The following NRP2 variants were observed in gnomAD, a reference collection of about 807,000 sequenced individuals.
NRP2 encodes neuropilin-2.
Under a neutral mutation model 110.4 loss-of-function variants are expected in NRP2, and 52 were observed. The ratio of observed to expected loss-of-function variants is 0.47; its 90% CI spans 0.38 to 0.59. The LOEUF (loss-of-function observed/expected upper bound fraction) is 0.59. NRP2 is among the 20% of genes least tolerant of loss of function. The pLI, the probability that NRP2 is intolerant of heterozygous loss-of-function variation, is 0.00. For synonymous variants in NRP2, 508 were observed against 468.9 expected (o/e 1.08, Z -1.08); for missense variants, 1,049 against 1,203.0 (o/e 0.87, Z 1.89).
intron 15 of NRP2, chr2:205,768,594 C>T (rs2057966878): frequency 6.6e-6 from 1 of 152,242 alleles, no homozygotes; most frequent in Admixed American, 6.5e-5. Context: ...CATGAGGCTT[C>T]ACAGGCCAGT....
At chr2:205,700,354 C>T (rs1400233781) in intron 2 of NRP2, among the ~76,000 whole-genome samples, 2 of 152,218 alleles carry the variant, frequency 1.3e-5, no homozygotes, top group African/African-American at 4.8e-5. Flanking sequence ...AGAAAACTGC[C>T]TGGGCTGGTC....
chr2:205,779,598 C>T (rs2058150719), intron 15 of NRP2: 2 of 152,340 alleles, frequency 1.3e-5, no homozygotes, highest in South Asian at 4.1e-4. Flanking sequence ...TTCCTTATTA[C>T]TGTGACACCC....
chr2:205,703,123 A>G (rs2056596467), intron 2 of NRP2, among the ~76,000 whole-genome samples: 1 of 152,172 alleles, frequency 6.6e-6, no homozygotes, highest in Non-Finnish European at 1.5e-5. Context: ...TATTTTTTAC[A>G]TTGGAAATGC....
At chr2:205,764,255 A>C (rs1575649162) in intron 13 of NRP2, 1 of 360,256 alleles carries the variant, frequency 2.8e-6, no homozygotes, top group Admixed American at 4.5e-5. Flanking sequence ...ACACAAACAA[A>C]CCCTCCACAC....
intron 8 of NRP2, among the ~76,000 whole-genome samples, chr2:205,741,780 C>G (rs909612985): frequency 5.3e-5 from 8 of 152,198 alleles, no homozygotes; most frequent in African/African-American, 1.9e-4. Flanking sequence ...TGTGTTTGTA[C>G]AGTCTCTGCA....
intron 7 of NRP2, among the ~76,000 whole-genome samples, chr2:205,734,812 C>T (rs528641909): frequency 6.6e-6 from 1 of 152,192 alleles, no homozygotes; most frequent in Non-Finnish European, 1.5e-5. Context: ...AGGAACATCT[C>T]GTGCACAATG....
intron 12 of NRP2, 64 bp downstream of exon 12, chr2:205,753,039 C>A (rs758461603): frequency 3.8e-6 from 6 of 1,598,154 alleles, no homozygotes; most frequent in Non-Finnish European, 4.3e-6. Flanking sequence ...TACTTCAACC[C>A]CAGATTCCCT....
intron 15 of NRP2, among the ~76,000 whole-genome samples, chr2:205,768,637 T>A (rs1290001637): frequency 6.6e-6 from 1 of 152,108 alleles, no homozygotes; most frequent in Non-Finnish European, 1.5e-5. Flanking sequence ...ATACATAAAA[T>A]CTCATCTGAG....
At chr2:205,737,096 A>G (rs1429344968) in intron 7 of NRP2, among the ~76,000 whole-genome samples, 2 of 152,256 alleles carry the variant, frequency 1.3e-5, no homozygotes, top group Admixed American at 1.3e-4. Flanking sequence ...TGTAAGGACT[A>G]AGGCGTTGTT....
intron 1 of NRP2, among the ~76,000 whole-genome samples, chr2:205,691,815 T>C (rs2056321385): frequency 6.6e-6 from 1 of 152,218 alleles, no homozygotes; most frequent in African/African-American, 2.4e-5. Context: ...GGCTGCCCTA[T>C]TGGAATTGCA....
At chr2:205,709,524 T>C (rs1030929999) in intron 2 of NRP2, among the ~76,000 whole-genome samples, 1 of 152,096 alleles carries the variant, frequency 6.6e-6, no homozygotes, top group African/African-American at 2.4e-5. Flanking sequence ...CTCAGAGAGG[T>C]TAAATACCTT....
intron 2 of NRP2, among the ~76,000 whole-genome samples, chr2:205,698,988 A>G (rs2056496317): frequency 6.6e-6 from 1 of 152,226 alleles, no homozygotes; most frequent in African/African-American, 2.4e-5. Context: ...CAGTGAATTG[A>G]TGTCATTATT....
intron 7 of NRP2, among the ~76,000 whole-genome samples, chr2:205,736,232 C>T (rs1016369152): frequency 1.3e-5 from 2 of 152,208 alleles, no homozygotes; most frequent in East Asian, 1.9e-4. Context: ...ATCCCAGCTA[C>T]TAGGGAGGCT....
intron 10 of NRP2, among the ~76,000 whole-genome samples, chr2:205,748,067 C>A (rs990534179): frequency 3.9e-5 from 6 of 152,048 alleles, no homozygotes; most frequent in Admixed American, 2.6e-4. Context: ...AACACCGAGG[C>A]CTCGGTGCCC....
intron 15 of NRP2, among the ~76,000 whole-genome samples, chr2:205,770,779 T>A (rs553843029): frequency 6.6e-6 from 1 of 152,294 alleles, no homozygotes; most frequent in African/African-American, 2.4e-5. Context: ...CACCCCCTTA[T>A]GTCTCCAGCT....
chr2:205,691,538 G>A (rs1015847798), intron 1 of NRP2, among the ~76,000 whole-genome samples: 1 of 152,184 alleles, frequency 6.6e-6, no homozygotes, highest in Non-Finnish European at 1.5e-5. Context: ...AAGAGGTTTG[G>A]GTTTCACTTG....
At chr2:205,755,528 A>T (rs1210093269) in intron 12 of NRP2, among the ~76,000 whole-genome samples, 1 of 151,526 alleles carries the variant, frequency 6.6e-6, no homozygotes, top group Non-Finnish European at 1.5e-5. Context: ...CCTTCTCCCT[A>T]CAGAGCTTGA....
intron 6 of NRP2, among the ~76,000 whole-genome samples, chr2:205,726,845 G>A (rs1362075231): frequency 6.6e-6 from 1 of 152,190 alleles, no homozygotes; most frequent in Non-Finnish European, 1.5e-5. Context: ...TCTGCTCTAA[G>A]AAGGATATTG....
chr2:205,745,678 G>A (rs1235903237), intron 9 of NRP2, 68 bp from the exon 10 acceptor site: 1 of 1,596,296 alleles, frequency 6.3e-7, no homozygotes, highest in East Asian at 2.2e-5. Context: ...AGAAGGGGAA[G>A]GAAAGGGAAG....
Sources: allele counts gnomAD v4.1 joint callset (sites outside exome capture counted in the v4.1 genomes callset), GRCh38; gene constraint gnomAD v4.1.1; transcripts MANE v1.5; gene names NCBI Gene and HGNC (gene_info 2026-07-23, HGNC 2026-07-21).